Variants in SRP68 observed in about 807,000 individuals in gnomAD.
The protein encoded by SRP68 is signal recognition particle subunit SRP68.
A neutral mutation model predicts 82.2 loss-of-function variants in SRP68; 15 were observed. That is an observed-to-expected ratio of 0.18 (90% CI 0.12 to 0.28). The LOEUF (loss-of-function observed/expected upper bound fraction) is 0.28, where lower values mean the gene tolerates loss of function less well. SRP68 is among the 10% of genes least tolerant of loss of function. SRP68 has a pLI of 1.00. For synonymous variants in SRP68, 261 were observed against 292.6 expected (o/e 0.89, Z 1.10); for missense variants, 595 against 780.5 (o/e 0.76, Z 2.83).
intron 8 of SRP68, among the ~76,000 whole-genome samples, chr17:76,055,807 CTTTTTTT>C (rs1032113845): frequency 9.4e-6 from 1 of 106,568 alleles, no homozygotes; most frequent in South Asian, 2.9e-4. Context: ...TTTTTTTCTT[CTTTTTTT>C]TTTTTTTTTT....
rs2066720333 is a variant in SRP68, at chr17:76,057,410, A to G, written c.971T>C (p.Ile324Thr). Residue 324 changes from isoleucine to threonine, a missense_variant, in exon 8 of 16, where the codon ATT becomes ACT. This residue lies in a region of SRP68 where 495 missense variants were observed against 688.6 expected (regional missense o/e 0.72). Coordinates refer to ENST00000307877, the MANE Select transcript of SRP68 (RefSeq NM_014230.4). ...TAAGTTCTTCCTCCTCACCTGGACA[A>G]TAGCTGCTTCGTTATCAGCCAGTCC... ...LLGLADNEAA[I>T]VQAESEETKE... 1 of 1,614,082 alleles carries G rather than the reference A, an allele frequency of 6.2e-7. No homozygotes were observed. Among genetic ancestry groups the G allele is most frequent in the South Asian group, 1.1e-5 (1 of 91,084 alleles).
At chr17:76,069,702 G>A (rs929130253) in intron 2 of SRP68, among the ~76,000 whole-genome samples, 10 of 145,792 alleles carry the variant, frequency 6.9e-5, no homozygotes, top group South Asian at 2.2e-4. Context: ...GTGAGACTCC[G>A]TATCAAAAAT....
At chr17:76,066,149 T>C (rs2066804475) in intron 3 of SRP68, among the ~76,000 whole-genome samples, 1 of 151,998 alleles carries the variant, frequency 6.6e-6, no homozygotes, top group Non-Finnish European at 1.5e-5. Flanking sequence ...ACAAGACTCT[T>C]CTATAATAAT....
chr17:76,057,749 A>T (rs1248910532), intron 7 of SRP68, among the ~76,000 whole-genome samples: 1 of 152,056 alleles, frequency 6.6e-6, no homozygotes, highest in Non-Finnish European at 1.5e-5. Flanking sequence ...ATCTAGGCTC[A>T]CTGCAACCTC....
chr17:76,043,051 G>GCCAGGAGTTCGAGA, intron 13 of SRP68, among the ~76,000 whole-genome samples: 1 of 151,964 alleles, frequency 6.6e-6, no homozygotes, highest in Non-Finnish European at 1.5e-5. Flanking sequence ...GGAGTTCGAG[G>GCCAGGAGTTCGAGA]CCATGAGTTC....
chr17:76,064,255 GCTTTT>G (rs1289671550), intron 3 of SRP68, 84 bp from the exon 4 acceptor site: 2 of 1,281,828 alleles, frequency 1.6e-6, no homozygotes, highest in African/African-American at 3.0e-5. Flanking sequence ...CGGCTTCTCG[GCTTTT>G]CTTTATACTC....
At chr17:76,067,968 T>C (rs1378378583) in intron 2 of SRP68, among the ~76,000 whole-genome samples, 2 of 152,084 alleles carry the variant, frequency 1.3e-5, no homozygotes, top group Non-Finnish European at 2.9e-5. Context: ...GTTAGCACCT[T>C]CAGCTGCAGT....
intron 2 of SRP68, among the ~76,000 whole-genome samples, 169 bp downstream of exon 2, chr17:76,070,209 C>A (rs1266018935): frequency 1.6e-4 from 19 of 115,896 alleles, no homozygotes; most frequent in African/African-American, 7.0e-4. Flanking sequence ...GGCGACAGAG[C>A]GAGACTCCAT....
At chr17:76,065,437 CAAA>C (rs11338515) in intron 3 of SRP68, among the ~76,000 whole-genome samples, 19 of 78,956 alleles carry the variant, frequency 2.4e-4, no homozygotes, top group Admixed American at 4.1e-4. Flanking sequence ...GACCCTGTCT[CAAA>C]AAAAAAAAAA....
rs374805271 is a variant in SRP68, at chr17:76,070,452, C to A, written c.185-8G>T. The A allele has an allele frequency of 5.2e-5, 84 of 1,612,614 alleles. 1 individual carries two copies. The Middle Eastern group carries it at 8.2e-4, about 16-fold the overall frequency. On this transcript the variant is annotated splice_polypyrimidine_tract_variant and splice_region_variant and intron_variant, in intron 1 of 15. Transcript: ENST00000307877. ...CCTTAATAATCTGAAGAACTAGAGTCGAGATTAAGGAAAATCTTACCATAG... is the reference window on the plus strand; with the variant it reads ...CCTTAATAATCTGAAGAACTAGAGTAGAGATTAAGGAAAATCTTACCATAG...
At chr17:76,062,940 T>A (rs559001940) in intron 4 of SRP68, among the ~76,000 whole-genome samples, 1 of 148,580 alleles carries the variant, frequency 6.7e-6, no homozygotes, top group South Asian at 2.1e-4. Flanking sequence ...CCAGCTAATT[T>A]TTTGTATTTT....
intron 8 of SRP68, 128 bp from the exon 9 acceptor site, chr17:76,050,654 T>C: frequency 3.2e-6 from 2 of 628,214 alleles, no homozygotes; most frequent in Admixed American, 4.8e-5. Context: ...ACACCAGATA[T>C]CATTTTAATT....
rs1037361081 is a variant in SRP68, at chr17:76,040,763, G to A, written c.1600+140C>T. ...TTCTACACAATCTGATGCCCAGCTG[G>A]CACAAGTAAAGGCCAGGAACATCTT... On this transcript the variant is annotated intron_variant, in intron 14 of 15. Coordinates refer to ENST00000307877, the MANE Select transcript of SRP68 (RefSeq NM_014230.4). The A allele has an allele frequency of 3.7e-6, 3 of 806,000 alleles. No individual in the cohort carries two copies. In the African/African-American group the frequency reaches 5.1e-5, roughly 14 times the overall value. 49.9% of individuals were successfully genotyped at this position (806,000 alleles called of 1,614,324 possible).
chr17:76,042,562 CAAAG>C (rs2066599797), intron 13 of SRP68, among the ~76,000 whole-genome samples: 1 of 147,044 alleles, frequency 6.8e-6, no homozygotes, highest in South Asian at 2.1e-4. Flanking sequence ...AAAAGTAAAG[CAAAG>C]AAAGCCTTCC....
chr17:76,053,739 G>A (rs1598263093), intron 8 of SRP68: 1 of 764,274 alleles, frequency 1.3e-6, no homozygotes, highest in African/African-American at 1.9e-5. Context: ...ATCTCTGAAG[G>A]AGAAGCTCTC....
rs1275482075 is a variant in SRP68 at position 76,067,308 on chromosome 17, T to G, written c.274A>C (p.Arg92=). 1 of 1,613,404 alleles carries G rather than the reference T, an allele frequency of 6.2e-7. No homozygotes were observed. Among genetic ancestry groups the G allele is most frequent in the Non-Finnish European group, 8.5e-7 (1 of 1,179,682 alleles). ...AAGTTGAGTGTTTTTCGAAGACGTC[T>G]TTGTCTACGGGAACAGTAGCCCCTG... ...RYRGYCSRRQ[R]RLRKTLNFKM... is the part of the protein sequence containing the mutation. The change falls in exon 3 of 16, where the codon AGA becomes CGA. Residue 92 remains arginine, a synonymous_variant. Transcript: ENST00000307877.
intron 3 of SRP68, among the ~76,000 whole-genome samples, chr17:76,066,731 CTTT>C (rs556018212): frequency 7.1e-6 from 1 of 140,846 alleles, no homozygotes; most frequent in Non-Finnish European, 1.6e-5. Flanking sequence ...TCACCCCCTC[CTTT>C]TTTTTTTTTT....
rs1555627852 is a variant in SRP68, at chr17:76,046,481, A to AC, written c.1143-288_1143-287insG. On this transcript the variant is annotated intron_variant, in intron 10 of 15. Transcript: ENST00000307877. The stretch of plus-strand genomic sequence containing the variant: ...CACACAGTGGAAAAAAAAAAAAAAA[A>AC]AAACAAAAAACAGAGAGTGGGATCC... Among the ~76,000 whole-genome samples, 6 of 38,634 alleles carry AC rather than the reference A, an allele frequency of 1.6e-4. 1 individual carries two copies. Among genetic ancestry groups the AC allele is most frequent in the South Asian group, 8.5e-4 (2 of 2,360 alleles). The allele number at this position is 38,634 out of a possible 152,430, so 25.3% of individuals were successfully genotyped here. A position where few individuals can be genotyped will look rare whatever the true frequency, so the allele number is the denominator to read the frequency against.
intron 7 of SRP68, among the ~76,000 whole-genome samples, chr17:76,059,786 T>G (rs9913765): frequency 0.053 from 5,284 of 100,136 alleles, 256 homozygotes; most frequent in African/African-American, 0.19. Context: ...AGTAAGACTG[T>G]CTCAAAAAAA....
Sources: allele counts gnomAD v4.1 joint callset (sites outside exome capture counted in the v4.1 genomes callset), GRCh38; gene constraint gnomAD v4.1.1; regional missense constraint gnomAD v4.1.1; transcripts MANE v1.5; gene names NCBI Gene and HGNC (gene_info 2026-07-23, HGNC 2026-07-21).